Variants in NDUFV2 observed in about 807,000 individuals in gnomAD.
NDUFV2 encodes NADH dehydrogenase [ubiquinone] flavoprotein 2, mitochondrial.
A neutral mutation model predicts 31.6 loss-of-function variants in NDUFV2; 18 were observed. The observed-to-expected ratio is 0.57, with a 90% CI of 0.39 to 0.84. NDUFV2 has a LOEUF of 0.84. NDUFV2 is among the 40% of genes least tolerant of loss of function. NDUFV2 has a pLI of 0.00. For missense variants in NDUFV2, 314 were observed against 303.6 expected, an observed-to-expected ratio of 1.03 and a Z score of -0.26; for synonymous variants, 83 against 99.8, an observed-to-expected ratio of 0.83 and a Z score of 1.01.
chr18:9,129,891 GC>G (rs1175020835), intron 7 of NDUFV2, among the ~76,000 whole-genome samples: 5 of 152,202 alleles, frequency 3.3e-5, no homozygotes, highest in Non-Finnish European at 7.4e-5. Context: ...TGCCATAGTT[GC>G]TATGTGGAGA....
chr18:9,134,111 G>A, intron 7 of NDUFV2, 75 bp from the exon 8 acceptor site: 1 of 1,110,770 alleles, frequency 9.0e-7, no homozygotes, highest in Non-Finnish European at 1.4e-6. Context: ...GGGCTCTTGT[G>A]AGGTAACCAT....
At chr18:9,131,419 T>C (rs191469974) in intron 7 of NDUFV2, among the ~76,000 whole-genome samples, 27 of 152,350 alleles carry the variant, frequency 1.8e-4, no homozygotes, top group Admixed American at 2.6e-4. Flanking sequence ...TACTGAAAAA[T>C]TCTAAACTTG....
intron 1 of NDUFV2, among the ~76,000 whole-genome samples, chr18:9,109,084 T>TCAA (rs2077856746): frequency 6.6e-6 from 1 of 152,212 alleles, no homozygotes; most frequent in African/African-American, 2.4e-5. Flanking sequence ...TTGCTTGAGC[T>TCAA]GGCAATAGGG....
At chr18:9,130,415 G>A (rs530310595) in intron 7 of NDUFV2, among the ~76,000 whole-genome samples, 3 of 152,032 alleles carry the variant, frequency 2.0e-5, no homozygotes, top group Non-Finnish European at 4.4e-5. Flanking sequence ...AAAATTATTC[G>A]TGTCCGAATC....
intron 7 of NDUFV2, among the ~76,000 whole-genome samples, chr18:9,132,674 A>G (rs2078050243): frequency 6.6e-6 from 1 of 152,182 alleles, no homozygotes; most frequent in Admixed American, 6.5e-5. Context: ...CACAAATTCA[A>G]GACCAGCCAG....
chr18:9,127,878 T>C (rs2078005571), intron 7 of NDUFV2, among the ~76,000 whole-genome samples: 1 of 152,196 alleles, frequency 6.6e-6, no homozygotes, highest in Non-Finnish European at 1.5e-5. Context: ...TTATATCAAC[T>C]CCTACTTCAG....
chr18:9,104,179 C>A, intron 1 of NDUFV2: 1 of 1,612,324 alleles, frequency 6.2e-7, no homozygotes, highest in Non-Finnish European at 8.5e-7. Context: ...GTCTTGTTGG[C>A]AAGAAAAAGA....
chr18:9,122,730 C>T lies in NDUFV2; in HGVS notation c.469+49C>T, dbSNP rs747191283. 3.1e-6 allele frequency: 5 copies of T among 1,589,710 alleles called. No homozygotes were observed. The African/African-American group carries it at 4.0e-5, about 13-fold the overall frequency. ...ACACTGATAAAAAGTAGAATTGTCT[C>T]TCTAGATTTGGTACATTTCTATCTA... On this transcript the variant is annotated intron_variant, in intron 5 of 7. Transcript: ENST00000318388.
At chr18:9,106,699 AT>A (rs1289145783) in intron 1 of NDUFV2, among the ~76,000 whole-genome samples, 1 of 152,204 alleles carries the variant, frequency 6.6e-6, no homozygotes, top group Non-Finnish European at 1.5e-5. Context: ...AAAACATTAT[AT>A]TTTTAACCTT....
intron 4 of NDUFV2, 46 bp downstream of exon 4, chr18:9,119,636 G>A (rs759046300): frequency 6.9e-7 from 1 of 1,455,260 alleles, no homozygotes; most frequent in East Asian, 2.3e-5. Flanking sequence ...AAGAGATTGT[G>A]TATGATAATT....
intron 5 of NDUFV2, among the ~76,000 whole-genome samples, chr18:9,123,187 G>C (rs1465503311): frequency 6.6e-6 from 1 of 152,118 alleles, no homozygotes; most frequent in Non-Finnish European, 1.5e-5. Context: ...CTACAAAACT[G>C]CCATTGCTAC....
At position 9,115,454 on chromosome 18, in the gene NDUFV2, G is replaced by C. The variant is rs572168827; in HGVS notation, c.55-2384G>C. On this transcript the variant is annotated intron_variant, in intron 1 of 7. Transcript: ENST00000318388. Reference sequence around the variant, plus strand: ...CCTGCTCAGATTGGGTTTTTAGGTTGTGTTTTTGCTGCAATAAACATAATA... The same window carrying C: ...CCTGCTCAGATTGGGTTTTTAGGTTCTGTTTTTGCTGCAATAAACATAATA... Among the ~76,000 whole-genome samples, 35 of 152,180 alleles carry C rather than the reference G, an allele frequency of 2.3e-4. 1 individual carries two copies. In the South Asian group the frequency reaches 6.9e-3, roughly 30 times the overall value.
chr18:9,130,855 T>C (rs917586290), intron 7 of NDUFV2, among the ~76,000 whole-genome samples: 7 of 152,216 alleles, frequency 4.6e-5, no homozygotes, highest in Non-Finnish European at 1.0e-4. Flanking sequence ...AAAAGACTGA[T>C]GTCTATATGT....
intron 2 of NDUFV2, among the ~76,000 whole-genome samples, chr18:9,118,311 G>C (rs1420429381): frequency 1.3e-5 from 2 of 152,072 alleles, no homozygotes; most frequent in Non-Finnish European, 2.9e-5. Flanking sequence ...TATATTTTTA[G>C]TTTCCGGAGT....
intron 1 of NDUFV2, among the ~76,000 whole-genome samples, chr18:9,116,617 T>TCA (rs2077899424): frequency 6.6e-6 from 1 of 152,252 alleles, no homozygotes; most frequent in South Asian, 2.1e-4. Flanking sequence ...TACGTGTGTC[T>TCA]CACATCCTGT....
At chr18:9,124,219 C>T (rs1226029193) in intron 5 of NDUFV2, among the ~76,000 whole-genome samples, 1 of 147,016 alleles carries the variant, frequency 6.8e-6, no homozygotes, top group African/African-American at 2.5e-5. Flanking sequence ...GAGAGTCTTG[C>T]TCTGTCACCC....
intron 1 of NDUFV2, chr18:9,104,306 G>A: frequency 6.2e-7 from 1 of 1,606,984 alleles, no homozygotes; most frequent in Non-Finnish European, 8.5e-7. Flanking sequence ...TAAAGAATTT[G>A]ATTTTAGAGG....
At chr18:9,112,618 G>GACT (rs1230182939) in intron 1 of NDUFV2, 1 of 152,076 alleles carries the variant, frequency 6.6e-6, no homozygotes, top group African/African-American at 2.4e-5. Flanking sequence ...GAGTAGCTGG[G>GACT]ACTACAGGTG....
chr18:9,111,094 T>C (rs557108630), intron 1 of NDUFV2, among the ~76,000 whole-genome samples: 1 of 152,356 alleles, frequency 6.6e-6, no homozygotes, highest in African/African-American at 2.4e-5. Context: ...CTCCTTGGTT[T>C]CTTAGACCTA....
Sources: gnomAD v4.1 joint callset for allele counts (sites outside exome capture counted in the v4.1 genomes callset) on GRCh38, gnomAD v4.1.1 for gene constraint, MANE v1.5 for transcripts, NCBI Gene and HGNC (gene_info 2026-07-23, HGNC 2026-07-21) for gene names.